Variants in CEP128 observed in about 807,000 individuals in gnomAD.
CEP128 encodes the protein centrosomal protein 128kDa.
Under a neutral mutation model 156.7 loss-of-function variants are expected in CEP128, and 132 were observed. The observed-to-expected ratio is 0.84, with a 90% CI of 0.73 to 0.97. The LOEUF is 0.97. CEP128 is among the 50% of genes least tolerant of loss of function. The pLI is 0.00. For missense variants in CEP128, 1,252 were observed against 1,281.9 expected (o/e 0.98, Z 0.36); for synonymous variants, 469 against 448.9 (o/e 1.04, Z -0.57).
intron 21 of CEP128, among the ~76,000 whole-genome samples, chr14:80,535,184 A>G (rs1008825067): frequency 6.6e-6 from 1 of 152,180 alleles, no homozygotes; most frequent in African/African-American, 2.4e-5. Flanking sequence ...TCACACCACC[A>G]TAAGAGATAG....
intron 19 of CEP128, among the ~76,000 whole-genome samples, chr14:80,692,547 T>C (rs149243675): frequency 2.8e-4 from 42 of 152,268 alleles, no homozygotes; most frequent in African/African-American, 1.0e-3. Context: ...ACAGGTAAAA[T>C]TAAAAACATG....
At chr14:80,894,476 T>A (rs1371612649) in intron 8 of CEP128, 1 of 379,116 alleles carries the variant, frequency 2.6e-6, no homozygotes, top group Non-Finnish European at 5.0e-6. Flanking sequence ...ATGTGATGTT[T>A]TAGATATTTT....
At chr14:80,717,262 T>C (rs187212605) in intron 19 of CEP128, among the ~76,000 whole-genome samples, 17 of 152,306 alleles carry the variant, frequency 1.1e-4, no homozygotes, top group African/African-American at 3.6e-4. Flanking sequence ...CCTAGCAGAA[T>C]TGAAATCAAA....
Position 80,836,909 on chromosome 14 carries a change from A to G in CEP128, c.925-572T>C, listed in dbSNP as rs148873632. Among the ~76,000 whole-genome samples, 12 of 152,354 alleles carry G rather than the reference A, an allele frequency of 7.9e-5. No individual in the cohort carries two copies. The East Asian group carries it at 1.9e-3, about 24-fold the overall frequency. On this transcript the variant is annotated intron_variant, in intron 11 of 24. Coordinates refer to ENST00000555265, the MANE Select transcript of CEP128 (RefSeq NM_152446.5). ...TAAACAAGTTAACAGTGGCAAAAAG[A>G]TTCAGCTAAAATCACAATGACAATC...
chr14:80,649,291 C>T (rs1233948635), intron 19 of CEP128, among the ~76,000 whole-genome samples: 1 of 152,040 alleles, frequency 6.6e-6, no homozygotes, highest in Non-Finnish European at 1.5e-5. Flanking sequence ...CAAAGAAGTG[C>T]ATGTGCTACA....
At chr14:80,952,202 T>C (rs1165979651) in intron 2 of CEP128, among the ~76,000 whole-genome samples, 10 of 149,530 alleles carry the variant, frequency 6.7e-5, no homozygotes, top group Admixed American at 3.3e-4. Context: ...CAAAAGCTGA[T>C]CACTTATTTT....
intron 19 of CEP128, among the ~76,000 whole-genome samples, chr14:80,711,582 G>A (rs1259184026): frequency 6.6e-6 from 1 of 152,004 alleles, no homozygotes; most frequent in Admixed American, 6.6e-5. Context: ...GGGGGTTGCA[G>A]GGAAAGTGGG....
chr14:80,574,489 T>C lies in CEP128; in HGVS notation c.2856+5885A>G, dbSNP rs181563956. 2.4e-4 allele frequency among the ~76,000 whole-genome samples: 36 copies of C among 152,308 alleles called. No individual in the cohort carries two copies. The East Asian group carries it at 6.9e-3, about 29-fold the overall frequency. The stretch of plus-strand genomic sequence containing the variant: ...CTTACCAGGAGGATTAGCCATCTAC[T>C]GGGTATTGAGAGGTTCATGTACTAT... On this transcript the variant is annotated intron_variant, in intron 20 of 24. Transcript: ENST00000555265.
intron 14 of CEP128, among the ~76,000 whole-genome samples, chr14:80,788,288 C>CTTTTTTTT (rs10628361): frequency 0.038 from 3,649 of 95,958 alleles, 3 homozygotes; most frequent in Non-Finnish European, 0.04. Context: ...TGGCCAGGAT[C>CTTTTTTTT]TTTTTTTTTT....
intron 22 of CEP128, chr14:80,527,317 C>T (rs1207075363): frequency 1.5e-5 from 6 of 403,716 alleles, no homozygotes; most frequent in African/African-American, 1.2e-4. Context: ...GTAGTCCCAG[C>T]TACTCAGGAG....
chr14:80,885,765 G>T (rs1385333347), intron 8 of CEP128, among the ~76,000 whole-genome samples: 2 of 152,068 alleles, frequency 1.3e-5, no homozygotes, highest in Admixed American at 6.5e-5. Flanking sequence ...CACCAAATTG[G>T]ACAGAGAATG....
At chr14:80,485,530 T>G (rs911610382), downstream of CEP128, among the ~76,000 whole-genome samples, 1 of 151,634 alleles carries the variant, frequency 6.6e-6, no homozygotes, top group Non-Finnish European at 1.5e-5. Flanking sequence ...AATTATGAAG[T>G]ATATGCATAC....
intron 9 of CEP128, among the ~76,000 whole-genome samples, chr14:80,853,823 G>A (rs1220656099): frequency 6.6e-6 from 1 of 151,954 alleles, no homozygotes; most frequent in African/African-American, 2.4e-5. Context: ...AAAGCATATA[G>A]AGGTCAGATA....
upstream of CEP128, among the ~76,000 whole-genome samples, chr14:80,942,551 A>C (rs1239813858): frequency 6.6e-6 from 1 of 152,168 alleles, no homozygotes; most frequent in African/African-American, 2.4e-5. Flanking sequence ...TCCTTCTTTG[A>C]GGCTAAACTC....
chr14:80,687,754 A>G (rs569753316), intron 19 of CEP128, among the ~76,000 whole-genome samples: 11 of 152,296 alleles, frequency 7.2e-5, no homozygotes, highest in African/African-American at 2.4e-4. Context: ...AAAAATAACC[A>G]GTCAGAAGTC....
intron 2 of CEP128, among the ~76,000 whole-genome samples, chr14:80,953,561 G>C (rs1228508176): frequency 6.6e-6 from 1 of 152,224 alleles, no homozygotes; most frequent in South Asian, 2.1e-4. Flanking sequence ...CTCCAGCCTG[G>C]GCGACAGGGC....
At chr14:80,590,220 A>T (rs1891991065) in intron 19 of CEP128, among the ~76,000 whole-genome samples, 1 of 152,146 alleles carries the variant, frequency 6.6e-6, no homozygotes, top group African/African-American at 2.4e-5. Context: ...AAATTTCCAA[A>T]TTTTCATAAG....
At chr14:80,627,000 A>C (rs1296676962) in intron 19 of CEP128, among the ~76,000 whole-genome samples, 4 of 152,170 alleles carry the variant, frequency 2.6e-5, no homozygotes, top group Non-Finnish European at 5.9e-5. Context: ...TTTCTCAGAG[A>C]TTAATGACTT....
chr14:80,764,475 C>T lies in CEP128; in HGVS notation c.2377-2862G>A, dbSNP rs1205283242. ...GATTGCGCCACTGCAGTCCGCAGTC[C>T]GGCCTGGGCGACAGAGCGAGACTCC... On this transcript the variant is annotated intron_variant, in intron 16 of 24. Transcript: ENST00000555265. Among the ~76,000 whole-genome samples, 5 of 150,320 alleles carry T rather than the reference C, an allele frequency of 3.3e-5. No homozygotes were observed. In the South Asian group the frequency reaches 6.3e-4, roughly 19 times the overall value.
Sources: gnomAD v4.1 joint callset for allele counts (sites outside exome capture counted in the v4.1 genomes callset) on GRCh38, gnomAD v4.1.1 for gene constraint, MANE v1.5 for transcripts, NCBI Gene and HGNC (gene_info 2026-07-23, HGNC 2026-07-21) for gene names.